The following SMPX variants were observed in gnomAD, a reference collection of about 807,000 sequenced individuals.
The protein encoded by SMPX is small muscular protein.
In SMPX, 2 loss-of-function variants were observed where a neutral mutation model predicts 6.3. The observed-to-expected ratio is 0.32, with a 90% CI of 0.13 to 0.99. SMPX has a LOEUF of 0.99. Ranked by LOEUF, SMPX falls within the 50% of genes least tolerant of loss-of-function variation. The pLI is 0.49. For missense variants in SMPX, 60 were observed against 66.8 expected (o/e 0.90, Z 0.36); for synonymous variants, 32 against 24.7 (o/e 1.30, Z -0.88).
intron 2 of SMPX, among the ~76,000 whole-genome samples, chrX:21,747,133 TGACCTA>T (rs768931953): frequency 2.5e-4 from 28 of 111,860 alleles, no homozygotes; most frequent in African/African-American, 9.1e-4. Flanking sequence ...TTAACACCAA[TGACCTA>T]GAGTTGATAT....
At chrX:21,715,158 GA>G (rs1490512505) in intron 4 of SMPX, among the ~76,000 whole-genome samples, 1 of 111,395 alleles carries the variant, frequency 9.0e-6, no homozygotes, top group Non-Finnish European at 1.9e-5. Flanking sequence ...AATGTTAAAA[GA>G]GATAAGAGGT....
intron 4 of SMPX, chrX:21,727,724 C>A (rs988071022): frequency 8.9e-6 from 1 of 111,892 alleles, no homozygotes; most frequent in African/African-American, 3.3e-5. Flanking sequence ...AACCAGCCAC[C>A]CCCTTGCCAT....
chrX:21,756,060 G>A (rs1433885424), intron 1 of SMPX, among the ~76,000 whole-genome samples: 1 of 111,848 alleles, frequency 8.9e-6, no homozygotes, highest in South Asian at 3.7e-4. Flanking sequence ...AATTTTTAAC[G>A]TTTTTATTCT....
At chrX:21,730,469 G>A (rs1321672548) in intron 4 of SMPX, among the ~76,000 whole-genome samples, 1 of 112,217 alleles carries the variant, frequency 8.9e-6, no homozygotes, top group African/African-American at 3.2e-5. Context: ...CCTATTTACT[G>A]AGTAATTACC....
intron 4 of SMPX, among the ~76,000 whole-genome samples, chrX:21,731,570 A>G (rs563311611): frequency 0.07 from 2,804 of 39,951 alleles, 194 homozygotes; most frequent in African/African-American, 0.13. Flanking sequence ...CATTATGTGT[A>G]TATGTGTATA....
At chrX:21,731,739 T>C (rs2092805219) in intron 4 of SMPX, among the ~76,000 whole-genome samples, 1 of 104,927 alleles carries the variant, frequency 9.5e-6, no homozygotes, top group Admixed American at 1.0e-4. Flanking sequence ...TGTGTATATG[T>C]GTATATGTAC....
intron 1 of SMPX, among the ~76,000 whole-genome samples, chrX:21,756,921 C>A (rs763892953): frequency 1.7e-3 from 193 of 112,419 alleles, no homozygotes; most frequent in Non-Finnish European, 2.8e-3. Context: ...CAGCTAAGCA[C>A]CGCTGAGTTT....
chrX:21,743,843 G>A lies in SMPX; in HGVS notation c.46-7C>T. The A allele has an allele frequency of 8.6e-7, 1 of 1,169,361 alleles. No homozygotes were observed. The highest frequency in any genetic ancestry group is 1.2e-6 in the Non-Finnish European group (1 of 857,103). On this transcript the variant is annotated splice_polypyrimidine_tract_variant and splice_region_variant and intron_variant, in intron 2 of 4. Transcript: ENST00000379494. ...TTGGAATATTGATATTTGCCTAAAA[G>A]AGAAAACAGGGTAGGTTTAGCTCAA...
At chrX:21,743,658 G>T in intron 3 of SMPX, 92 bp downstream of exon 3, 1 of 720,201 alleles carries the variant, frequency 1.4e-6, no homozygotes, top group Non-Finnish European at 2.2e-6. Flanking sequence ...CCTTGTCCTG[G>T]ATAGCCAGCC....
intron 2 of SMPX, among the ~76,000 whole-genome samples, chrX:21,747,094 T>C (rs1356440439): frequency 8.9e-6 from 1 of 111,925 alleles, no homozygotes; most frequent in Non-Finnish European, 1.9e-5. Context: ...AGCTAAACTT[T>C]TATGAAATAA....
intron 3 of SMPX, 104 bp downstream of exon 3, chrX:21,743,646 T>A (rs1396787491): frequency 4.7e-6 from 3 of 632,606 alleles, no homozygotes; most frequent in Non-Finnish European, 8.0e-6. Context: ...ATTTGCCCCC[T>A]CCCTTGTCCT....
chrX:21,730,179 A>C (rs1264081166), intron 4 of SMPX, among the ~76,000 whole-genome samples: 2 of 112,535 alleles, frequency 1.8e-5, no homozygotes, highest in African/African-American at 6.5e-5. Flanking sequence ...AAATGAGGAC[A>C]AAAAATTTCC....
At chrX:21,747,159 C>T (rs762186820) in intron 2 of SMPX, among the ~76,000 whole-genome samples, 30 of 111,754 alleles carry the variant, frequency 2.7e-4, no homozygotes, top group Admixed American at 7.6e-4. Context: ...TTAGGATAGG[C>T]TTCCTTCTCT....
In SMPX at chrX:21,753,052, T is replaced by A. The variant is rs571821752; in HGVS notation, c.45+1194A>T. On this transcript the variant is annotated intron_variant, in intron 2 of 4. Coordinates refer to ENST00000379494, the MANE Select transcript of SMPX (RefSeq NM_014332.3). Reference sequence around the variant, plus strand: ...AAGAGAAGATTCAAAGGCTCAAGGATGTCCACAGGTCTGGAAGACAAAATA... The same window carrying A: ...AAGAGAAGATTCAAAGGCTCAAGGAAGTCCACAGGTCTGGAAGACAAAATA... Among the ~76,000 whole-genome samples the A allele has an allele frequency of 1.5e-4, 17 of 111,781 alleles. No individual in the cohort carries two copies. The South Asian group carries it at 6.4e-3, about 42-fold the overall frequency.
At chrX:21,728,357 A>G (rs1183007340) in intron 4 of SMPX, among the ~76,000 whole-genome samples, 1 of 109,393 alleles carries the variant, frequency 9.1e-6, no homozygotes, top group Non-Finnish European at 1.9e-5. Flanking sequence ...CTTCCATGCA[A>G]TGTTTTGCCC....
chrX:21,753,146 A>C (rs904234586), intron 2 of SMPX, among the ~76,000 whole-genome samples: 1 of 112,239 alleles, frequency 8.9e-6, no homozygotes, highest in African/African-American at 3.2e-5. Context: ...GGATGTGACA[A>C]TGCAGAGTGG....
intron 3 of SMPX, among the ~76,000 whole-genome samples, chrX:21,738,659 C>G (rs1043183374): frequency 2.7e-5 from 3 of 110,578 alleles, no homozygotes; most frequent in Middle Eastern, 4.2e-3. Context: ...AGGGCTCCAG[C>G]TGCTTCACAT....
At position 21,751,204 on chromosome X, in the gene SMPX, A is replaced by G. The variant is rs978890289; in HGVS notation, c.45+3042T>C. Reference sequence around the variant, plus strand: ...GTCCAATATGTTTAGAAAACATTGCATATGTTTCTGCCCTCTTGGAAATAA... The same window carrying G: ...GTCCAATATGTTTAGAAAACATTGCGTATGTTTCTGCCCTCTTGGAAATAA... On this transcript the variant is annotated intron_variant, in intron 2 of 4. Coordinates refer to ENST00000379494, the MANE Select transcript of SMPX (RefSeq NM_014332.3). Among the ~76,000 whole-genome samples the G allele has an allele frequency of 1.1e-4, 12 of 112,461 alleles. 1 individual carries two copies. The highest frequency in any genetic ancestry group is 4.7e-4 in the Admixed American group (5 of 10,646).
chrX:21,737,544 C>T lies in SMPX; in HGVS notation c.*14+5G>A, dbSNP rs760061104. 25 of 1,201,229 alleles carry T rather than the reference C, an allele frequency of 2.1e-5. No individual in the cohort carries two copies. The South Asian group carries it at 4.1e-4, about 20-fold the overall frequency. On this transcript the variant is annotated splice_donor_5th_base_variant and intron_variant, in intron 4 of 4. Transcript: ENST00000379494. ...TTGAGACAAAGAAGATAGTTTTTCA[C>T]TCACCTTTTTTCTTCCTACTACTGT...
Sources: gnomAD v4.1 joint callset for allele counts (sites outside exome capture counted in the v4.1 genomes callset) on GRCh38, gnomAD v4.1.1 for gene constraint, MANE v1.5 for transcripts, NCBI Gene and HGNC (gene_info 2026-07-23, HGNC 2026-07-21) for gene names.